Variants in ITPR2 observed in about 807,000 individuals in gnomAD.
ITPR2 encodes the protein inositol 1,4,5-trisphosphate receptor type 2.
A neutral mutation model predicts 317.1 loss-of-function variants in ITPR2; 207 were observed. The observed-to-expected ratio is 0.65, with a 90% CI of 0.58 to 0.73. The LOEUF is 0.73. ITPR2 is among the 30% of genes least tolerant of loss of function. The pLI, the probability that ITPR2 is intolerant of heterozygous loss-of-function variation, is 0.00. For synonymous variants in ITPR2, 1,156 were observed against 1,149.1 expected, an observed-to-expected ratio of 1.01 and a Z score of -0.12; for missense variants, 2,613 against 3,284.0, an observed-to-expected ratio of 0.80 and a Z score of 4.99.
rs751067700 is a variant in ITPR2 at position 26,626,110 on chromosome 12, C to T, written c.3065-1754G>A. ...CTGAGTAGCTGGGACCAAAGGCACGCGCCTCCACTACTGGCTAATTTTTTT... is the reference window on the plus strand; with the variant it reads ...CTGAGTAGCTGGGACCAAAGGCACGTGCCTCCACTACTGGCTAATTTTTTT... On this transcript the variant is annotated intron_variant, in intron 23 of 56. Coordinates refer to ENST00000381340, the MANE Select transcript of ITPR2 (RefSeq NM_002223.4). Among the ~76,000 whole-genome samples, 7 of 152,096 alleles carry T rather than the reference C, an allele frequency of 4.6e-5. No individual in the cohort carries two copies. In the East Asian group the frequency reaches 5.8e-4, roughly 13 times the overall value.
intron 50 of ITPR2, 23 bp downstream of exon 50, chr12:26,419,026 T>C (rs1267705317): frequency 6.3e-7 from 1 of 1,585,288 alleles, no homozygotes; most frequent in African/African-American, 1.4e-5. Context: ...CAGCAGTGAT[T>C]GTCCACATAG....
At chr12:26,672,958 G>C (rs1211825954) in intron 13 of ITPR2, among the ~76,000 whole-genome samples, 1 of 152,188 alleles carries the variant, frequency 6.6e-6, no homozygotes, top group Non-Finnish European at 1.5e-5. Context: ...AGAAGAAATG[G>C]ATAAATTCCT....
chr12:26,513,777 CAT>C (rs1555145400), intron 37 of ITPR2, among the ~76,000 whole-genome samples: 1 of 142,184 alleles, frequency 7.0e-6, no homozygotes, highest in African/African-American at 2.5e-5. Context: ...CACACACACA[CAT>C]GCAACCCTAC....
At chr12:26,638,761 T>C (rs958727356) in intron 21 of ITPR2, among the ~76,000 whole-genome samples, 1 of 152,136 alleles carries the variant, frequency 6.6e-6, no homozygotes, top group Admixed American at 6.6e-5. Flanking sequence ...ATGGCTAATA[T>C]AGTGAATGAC....
chr12:26,432,851 C>T (rs1260798472), intron 48 of ITPR2, among the ~76,000 whole-genome samples: 1 of 152,156 alleles, frequency 6.6e-6, no homozygotes, highest in Non-Finnish European at 1.5e-5. Context: ...ATGTCTCCAT[C>T]ATTTTTAAGC....
At position 26,595,553 on chromosome 12, in the gene ITPR2, T is replaced by C. The variant is rs747180407; in HGVS notation, c.4292A>G (p.Tyr1431Cys). Reference sequence around the variant, plus strand: ...TTTCATTTCCACTTCAGTGTCAACATAACAGTGATTAACAAAGTTCACATA... The same window carrying C: ...TTTCATTTCCACTTCAGTGTCAACACAACAGTGATTAACAAAGTTCACATA... Reference protein sequence around the residue: ...IAYVNFVNHCYVDTEVEMKEI... With the variant: ...IAYVNFVNHCCVDTEVEMKEI... Residue 1431 changes from tyrosine to cysteine, a missense_variant, in exon 32 of 57, where the codon TAT (tyrosine) becomes TGT (cysteine). Coordinates refer to ENST00000381340, the MANE Select transcript of ITPR2 (RefSeq NM_002223.4). 1.9e-6 allele frequency: 3 copies of C among 1,595,760 alleles called. No homozygotes were observed. The highest frequency in any genetic ancestry group is 2.6e-6 in the Non-Finnish European group (3 of 1,174,448).
chr12:26,596,180 T>C (rs1484876126), intron 31 of ITPR2, among the ~76,000 whole-genome samples: 2 of 152,238 alleles, frequency 1.3e-5, no homozygotes, highest in Non-Finnish European at 2.9e-5. Flanking sequence ...CCTGCAGCAC[T>C]ATCCTAGCCT....
At chr12:26,784,586 C>A (rs1235142270) in intron 2 of ITPR2, among the ~76,000 whole-genome samples, 1 of 151,676 alleles carries the variant, frequency 6.6e-6, no homozygotes, top group Non-Finnish European at 1.5e-5. Flanking sequence ...GCGAGTGATC[C>A]GCCAGCCTCG....
chr12:26,489,680 A>G (rs1369208691), intron 39 of ITPR2, among the ~76,000 whole-genome samples: 3 of 152,222 alleles, frequency 2.0e-5, no homozygotes, highest in African/African-American at 7.2e-5. Flanking sequence ...TGAAATTGTA[A>G]TATAAGTACC....
At chr12:26,474,405 C>T (rs1398343084) in intron 45 of ITPR2, among the ~76,000 whole-genome samples, 1 of 152,122 alleles carries the variant, frequency 6.6e-6, no homozygotes, top group African/African-American at 2.4e-5. Flanking sequence ...TCAAAGATGC[C>T]AATTTAAAGT....
chr12:26,370,771 T>C (rs1010545920), intron 55 of ITPR2, among the ~76,000 whole-genome samples: 2 of 152,154 alleles, frequency 1.3e-5, no homozygotes, highest in Admixed American at 6.5e-5. Flanking sequence ...GCCTCCCAGG[T>C]TCAAGTGATT....
intron 22 of ITPR2, 61 bp from the exon 23 acceptor site, chr12:26,628,223 A>G: frequency 7.7e-7 from 1 of 1,304,556 alleles, no homozygotes; most frequent in Non-Finnish European, 1.1e-6. Flanking sequence ...TAAAAATGCA[A>G]TTCACAACAC....
rs149715718 is a variant in ITPR2 at position 26,402,483 on chromosome 12, T to C, written c.7400-2225A>G. Among the ~76,000 whole-genome samples, 1,118 of 152,324 alleles carry C rather than the reference T, an allele frequency of 7.3e-3. 16 individuals carry two copies. Among genetic ancestry groups the C allele is most frequent in the African/African-American group, 0.025 (1,044 of 41,584 alleles). ...TCTCTCCGAGAATTTAGAAATAAGA[T>C]TGTTTGTTCTCTAACAGGTGAGCTC... On this transcript the variant is annotated intron_variant, in intron 52 of 56. Coordinates refer to ENST00000381340, the MANE Select transcript of ITPR2 (RefSeq NM_002223.4).
chr12:26,555,239 GCCC>G (rs1565600369), intron 36 of ITPR2, among the ~76,000 whole-genome samples: 1 of 152,160 alleles, frequency 6.6e-6, no homozygotes, highest in African/African-American at 2.4e-5. Flanking sequence ...CTTCTTGTGT[GCCC>G]TAGTCCTTTA....
intron 36 of ITPR2, among the ~76,000 whole-genome samples, chr12:26,551,616 A>G (rs955160553): frequency 1.3e-5 from 2 of 152,230 alleles, no homozygotes; most frequent in Non-Finnish European, 2.9e-5. Flanking sequence ...TGAACCAGAC[A>G]TGAAACCACT....
intron 54 of ITPR2, among the ~76,000 whole-genome samples, chr12:26,390,151 G>A (rs1043445227): frequency 2.6e-5 from 4 of 152,182 alleles, no homozygotes; most frequent in Admixed American, 2.0e-4. Context: ...CTCATGCACT[G>A]CTAACAGAAA....
intron 37 of ITPR2, among the ~76,000 whole-genome samples, chr12:26,508,584 G>A (rs1186970452): frequency 6.7e-6 from 1 of 149,256 alleles, no homozygotes; most frequent in African/African-American, 2.5e-5. Context: ...CAAGAGTAAT[G>A]GAAAAGCAAA....
intron 9 of ITPR2, among the ~76,000 whole-genome samples, chr12:26,706,551 T>C (rs568318203): frequency 1.3e-5 from 2 of 152,268 alleles, no homozygotes; most frequent in Non-Finnish European, 2.9e-5. Context: ...CCATGTGCCT[T>C]ACTCATTCAT....
chr12:26,445,234 A>G (rs967686291), intron 45 of ITPR2, among the ~76,000 whole-genome samples: 12 of 152,222 alleles, frequency 7.9e-5, no homozygotes, highest in African/African-American at 2.9e-4. Flanking sequence ...TAGGAGGAGT[A>G]CATTTAGCAG....
Sources: allele counts gnomAD v4.1 joint callset (sites outside exome capture counted in the v4.1 genomes callset), GRCh38; gene constraint gnomAD v4.1.1; transcripts MANE v1.5; gene names NCBI Gene and HGNC (gene_info 2026-07-23, HGNC 2026-07-21).